The following MDGA1 variants were observed in gnomAD, a reference collection of about 807,000 sequenced individuals.
MDGA1 encodes the protein MAM domain containing glycosylphosphatidylinositol anchor 1, also known as MAM domain-containing glycosylphosphatidylinositol anchor protein 1.
A neutral mutation model predicts 101.5 loss-of-function variants in MDGA1; 54 were observed. That is an observed-to-expected ratio of 0.53 (90% CI 0.43 to 0.67). The LOEUF is 0.67. MDGA1 is among the 30% of genes least tolerant of loss of function. The probability of loss-of-function intolerance (pLI) is 0.00; values close to 1 mark genes in which losing one functional copy is unlikely to be tolerated. For synonymous variants in MDGA1, 533 were observed against 558.3 expected (o/e 0.95, Z 0.64); for missense variants, 1,083 against 1,323.8 (o/e 0.82, Z 2.82).
At chr6:37,644,781 G>A in intron 12 of MDGA1, 132 bp from the exon 13 acceptor site, 1 of 968,150 alleles carries the variant, frequency 1.0e-6, no homozygotes, top group Non-Finnish European at 1.4e-6. Flanking sequence ...GGCTTCAAAA[G>A]ACCAGGCATG....
chr6:37,638,129 C>A lies in MDGA1; in HGVS notation c.2776+76G>T. On this transcript the variant is annotated intron_variant, in intron 16 of 16. Transcript: ENST00000434837. This position sits in a 1 kb window ranked among gnomAD's most constrained non-coding sequence, Gnocchi z 4.8. ...ACCCCTATTCAGACCCAAACACCCT[C>A]CCTCAACAGACAGGAACCCCCGCCA... 1.6e-6 allele frequency: 2 copies of A among 1,213,918 alleles called. No homozygotes were observed. Among genetic ancestry groups the A allele is most frequent in the Non-Finnish European group, 2.4e-6 (2 of 826,520 alleles). 75.2% of individuals were successfully genotyped at this position (1,213,918 alleles called of 1,614,324 possible).
In MDGA1 at chr6:37,654,551, G is replaced by A; in HGVS notation, c.713-8C>T. On this transcript the variant is annotated splice_polypyrimidine_tract_variant and splice_region_variant and intron_variant, in intron 5 of 16. Transcript: ENST00000434837. ...GCTTCAGGGCTGGTGGTGCTAAGAG[G>A]ACAAGGAGGGGGGTCTTAGGGGACT... The A allele has an allele frequency of 6.2e-7, 1 of 1,614,046 alleles. No homozygotes were observed. Among genetic ancestry groups the A allele is most frequent in the African/African-American group, 1.3e-5 (1 of 75,062 alleles).
chr6:37,640,764 G>A lies in MDGA1; in HGVS notation c.2537-2097C>T, dbSNP rs539022600. Among the ~76,000 whole-genome samples the A allele has an allele frequency of 2.3e-3, 356 of 152,218 alleles. 6 individuals are homozygous for A. The highest frequency in any genetic ancestry group is 2.2e-3 in the Non-Finnish European group (153 of 68,012). On this transcript the variant is annotated intron_variant, in intron 14 of 16. Transcript: ENST00000434837. ...GCAGCCTTCCCCATCAGTGTCCTTG[G>A]GGCAGGGCAGTGGAGGAGGAAGAAA...
intron 1 of MDGA1, 77 bp from the exon 2 acceptor site, chr6:37,664,183 T>A: frequency 1.9e-6 from 3 of 1,581,958 alleles, no homozygotes; most frequent in Non-Finnish European, 2.6e-6. Flanking sequence ...CCCTCCTGAG[T>A]GTATCTGGGA....
intron 1 of MDGA1, among the ~76,000 whole-genome samples, chr6:37,684,843 T>C (rs1260950839): frequency 1.3e-5 from 2 of 152,174 alleles, no homozygotes; most frequent in African/African-American, 4.8e-5. Context: ...TTATGTATCT[T>C]GCCAGAAGGT....
intron 1 of MDGA1, among the ~76,000 whole-genome samples, chr6:37,693,637 G>A (rs1200651244): frequency 2.0e-5 from 3 of 152,236 alleles, no homozygotes; most frequent in Non-Finnish European, 2.9e-5. Context: ...GTTCCCTGAC[G>A]CTATCCGCAT....
chr6:37,683,070 G>A (rs982167786), intron 1 of MDGA1, among the ~76,000 whole-genome samples: 3 of 152,196 alleles, frequency 2.0e-5, no homozygotes, highest in Non-Finnish European at 2.9e-5. Context: ...CCTCTATGTT[G>A]GTTTTAAATT....
At position 37,638,728 on chromosome 6, in the gene MDGA1, C is replaced by A; in HGVS notation, c.2537-61G>T. The A allele has an allele frequency of 1.9e-6, 3 of 1,553,214 alleles. No individual in the cohort carries two copies. Among genetic ancestry groups the A allele is most frequent in the Non-Finnish European group, 2.6e-6 (3 of 1,146,854 alleles). On this transcript the variant is annotated intron_variant, in intron 14 of 16. Transcript: ENST00000434837. The surrounding 1 kb of genome is among the most constrained non-coding windows in gnomAD (Gnocchi z 4.8). ...TGGCCAGGGCACCCTCACCTTTCCA[C>A]ATTTACCAAGCCCTCTTCTCCCACC...
intron 1 of MDGA1, among the ~76,000 whole-genome samples, chr6:37,666,359 C>CA (rs34277023): frequency 0.048 from 4,767 of 99,592 alleles, 158 homozygotes; most frequent in African/African-American, 0.097. Context: ...CACTCCGTCT[C>CA]AAAAAAAAAA....
At chr6:37,643,030 C>T (rs1484143544) in intron 14 of MDGA1, among the ~76,000 whole-genome samples, 2 of 152,234 alleles carry the variant, frequency 1.3e-5, no homozygotes, top group Non-Finnish European at 2.9e-5. Context: ...AAGCACCCTT[C>T]CGATCTCATG....
intron 1 of MDGA1, among the ~76,000 whole-genome samples, chr6:37,665,248 T>A (rs6925749): frequency 6.6e-6 from 1 of 151,966 alleles, no homozygotes; most frequent in Admixed American, 6.6e-5. Context: ...AGACCCTAAC[T>A]TCACAGGTTC....
chr6:37,651,465 T>C (rs1761358307), intron 7 of MDGA1, among the ~76,000 whole-genome samples: 1 of 152,206 alleles, frequency 6.6e-6, no homozygotes, highest in South Asian at 2.1e-4. Flanking sequence ...TCTATAAACA[T>C]TTATGCATTT....
intron 1 of MDGA1, among the ~76,000 whole-genome samples, chr6:37,670,856 G>A (rs1263591106): frequency 5.3e-5 from 8 of 152,304 alleles, no homozygotes; most frequent in African/African-American, 1.4e-4. Context: ...AAGAGGAACC[G>A]TCTTGTCCAA....
chr6:37,669,290 T>C (rs1214755187), intron 1 of MDGA1, among the ~76,000 whole-genome samples: 7 of 152,166 alleles, frequency 4.6e-5, no homozygotes, highest in African/African-American at 1.7e-4. Context: ...TATTATACCT[T>C]CTAAATTACA....
chr6:37,667,006 A>T (rs1761769901), intron 1 of MDGA1, among the ~76,000 whole-genome samples: 1 of 152,264 alleles, frequency 6.6e-6, no homozygotes, highest in African/African-American at 2.4e-5. Context: ...AGATGTGATG[A>T]TAACACAGGA....
intron 1 of MDGA1, among the ~76,000 whole-genome samples, chr6:37,671,859 T>G (rs1318622844): frequency 1.3e-5 from 2 of 152,174 alleles, no homozygotes; most frequent in Non-Finnish European, 2.9e-5. Context: ...ATGGAAAACC[T>G]TGATTAAAAG....
chr6:37,655,952 C>T lies in MDGA1; in HGVS notation c.383-56G>A, dbSNP rs1761477965. ...ACTGGGTGACCCCAAGGTTGGGGGG[C>T]TCAGGCTCCTGGCAGCCCTTAGGAA... On this transcript the variant is annotated intron_variant, in intron 3 of 16. Coordinates refer to ENST00000434837, the MANE Select transcript of MDGA1 (RefSeq NM_153487.4). The surrounding 1 kb of genome is among the most constrained non-coding windows in gnomAD (Gnocchi z 5.1). 2.0e-6 allele frequency: 3 copies of T among 1,468,672 alleles called. No homozygotes were observed. Among genetic ancestry groups the T allele is most frequent in the Admixed American group, 4.4e-5 (2 of 45,506 alleles). 91.0% of individuals were successfully genotyped at this position (1,468,672 alleles called of 1,614,324 possible).
intron 1 of MDGA1, among the ~76,000 whole-genome samples, chr6:37,690,059 G>A (rs1324125474): frequency 6.6e-6 from 1 of 152,124 alleles, no homozygotes; most frequent in Non-Finnish European, 1.5e-5. Flanking sequence ...CTAACTCTCT[G>A]GCCCCACCTT....
intron 2 of MDGA1, 91 bp from the exon 3 acceptor site, chr6:37,658,510 T>A: frequency 7.5e-7 from 1 of 1,339,960 alleles, no homozygotes; most frequent in Non-Finnish European, 1.0e-6. Context: ...ACCCCCTTTC[T>A]CCCATACTTT....
Sources: gnomAD v4.1 joint callset for allele counts (sites outside exome capture counted in the v4.1 genomes callset) on GRCh38, gnomAD v4.1.1 for gene constraint, Gnocchi (gnomAD v3.1) non-coding constraint, MANE v1.5 for transcripts, NCBI Gene and HGNC (gene_info 2026-07-23, HGNC 2026-07-21) for gene names.